Variants in VWA8 observed in about 807,000 individuals in gnomAD.
VWA8 encodes the protein von Willebrand factor A domain-containing protein 8.
VWA8 carries 221 observed loss-of-function variants against 241.5 expected under a neutral mutation model. The observed-to-expected ratio is 0.91, with a 90% confidence interval of 0.82 to 1.02. The LOEUF is 1.02. Among genes scored for constraint, VWA8 ranks in the 50% least tolerant of loss-of-function variants. VWA8 has a pLI of 0.00. For synonymous variants in VWA8, 852 were observed against 827.1 expected, an observed-to-expected ratio of 1.03 and a Z score of -0.52; for missense variants, 2,322 against 2,328.7, an observed-to-expected ratio of 1.00 and a Z score of 0.06.
chr13:41,810,996 G>A, intron 17 of VWA8, among the ~76,000 whole-genome samples: 1 of 151,914 alleles, frequency 6.6e-6, no homozygotes, highest in East Asian at 1.9e-4. Flanking sequence ...GGCTGTACAG[G>A]AAGCATAGTA....
At chr13:41,703,480 A>T in intron 26 of VWA8, 69 bp from the exon 27 acceptor site, 1 of 1,337,924 alleles carries the variant, frequency 7.5e-7, no homozygotes, top group South Asian at 1.2e-5. Context: ...ATAACACGGC[A>T]TCTATTATCA....
intron 25 of VWA8, 149 bp from the exon 26 acceptor site, chr13:41,719,891 C>T (rs1453765926): frequency 2.7e-6 from 2 of 744,976 alleles, no homozygotes; most frequent in Non-Finnish European, 4.1e-6. Flanking sequence ...GGAATGTAGA[C>T]ATTTTTCCCT....
At chr13:41,903,418 G>C (rs1213217870) in intron 4 of VWA8, among the ~76,000 whole-genome samples, 2 of 152,128 alleles carry the variant, frequency 1.3e-5, no homozygotes, top group African/African-American at 4.8e-5. Flanking sequence ...CGGGGGAGGA[G>C]AGCCAACAAA....
chr13:41,577,167 G>A (rs1466031273), intron 42 of VWA8, among the ~76,000 whole-genome samples: 1 of 152,226 alleles, frequency 6.6e-6, no homozygotes, highest in Non-Finnish European at 1.5e-5. Context: ...AAGGCCCTTT[G>A]GCCCCATAGA....
At chr13:41,932,329 G>T (rs77939456) in intron 2 of VWA8, among the ~76,000 whole-genome samples, 4 of 151,894 alleles carry the variant, frequency 2.6e-5, no homozygotes, top group Admixed American at 1.3e-4. Flanking sequence ...ATAACCTCCC[G>T]AAAAGAAAAC....
intron 9 of VWA8, among the ~76,000 whole-genome samples, chr13:41,872,646 G>A (rs1317452495): frequency 6.6e-6 from 1 of 152,066 alleles, no homozygotes; most frequent in East Asian, 1.9e-4. Context: ...TGAGGGCTCT[G>A]TTCTGTTCCA....
intron 2 of VWA8, among the ~76,000 whole-genome samples, chr13:41,944,438 T>G (rs573646859): frequency 1.6e-4 from 25 of 152,262 alleles, no homozygotes; most frequent in Admixed American, 1.4e-3. Flanking sequence ...TGCACAATCA[T>G]GGCTCACTGC....
chr13:41,806,346 A>G (rs925552934), intron 17 of VWA8, among the ~76,000 whole-genome samples: 1 of 152,232 alleles, frequency 6.6e-6, no homozygotes, highest in Non-Finnish European at 1.5e-5. Flanking sequence ...AACCAAACCC[A>G]AAATTAGTAC....
At chr13:41,885,392 T>C (rs1416318137) in intron 8 of VWA8, among the ~76,000 whole-genome samples, 1 of 152,240 alleles carries the variant, frequency 6.6e-6, no homozygotes, top group Admixed American at 6.5e-5. Context: ...TCAGATCTGT[T>C]TGCATTCTCT....
rs143976226 is a variant in VWA8 at position 41,817,406 on chromosome 13, C to A, written c.1870-631G>T. On this transcript the variant is annotated intron_variant, in intron 15 of 44. Coordinates refer to ENST00000379310, the MANE Select transcript of VWA8 (RefSeq NM_015058.2). The stretch of plus-strand genomic sequence containing the variant: ...ATTAAGTACTTAATTAAGCTATAAG[C>A]AATTTTTGTTTAAGCAATAACAAAT... Among the ~76,000 whole-genome samples, 241 of 152,046 alleles carry A rather than the reference C, an allele frequency of 1.6e-3. 1 individual carries two copies. The highest frequency in any genetic ancestry group is 5.3e-3 in the African/African-American group (221 of 41,482).
intron 40 of VWA8, among the ~76,000 whole-genome samples, chr13:41,597,333 AAT>A (rs2044495301): frequency 6.6e-6 from 1 of 152,148 alleles, no homozygotes; most frequent in Non-Finnish European, 1.5e-5. Context: ...ATAAACTATT[AAT>A]CAGTGGAAAC....
intron 37 of VWA8, among the ~76,000 whole-genome samples, chr13:41,634,849 C>T (rs749421297): frequency 8.5e-5 from 13 of 152,094 alleles, no homozygotes; most frequent in South Asian, 4.2e-4. Flanking sequence ...TATTTTTATA[C>T]GATTTTATTA....
intron 12 of VWA8, among the ~76,000 whole-genome samples, chr13:41,836,747 A>G (rs1443351824): frequency 6.6e-6 from 1 of 152,176 alleles, no homozygotes; most frequent in Non-Finnish European, 1.5e-5. Context: ...TTCTTTTACA[A>G]TCTAGTAGTT....
intron 12 of VWA8, among the ~76,000 whole-genome samples, chr13:41,864,200 A>G (rs1873181690): frequency 6.6e-6 from 1 of 152,054 alleles, no homozygotes; most frequent in South Asian, 2.1e-4. Context: ...AATTGGAACC[A>G]TTGTGCATTG....
Position 41,929,101 on chromosome 13 carries a change from A to G in VWA8, c.242-16933T>C, listed in dbSNP as rs542738070. On this transcript the variant is annotated intron_variant, in intron 2 of 44. Coordinates refer to ENST00000379310, the MANE Select transcript of VWA8 (RefSeq NM_015058.2). ...ATACAAAAGATCTCAAATAGCCAAC[A>G]TTTCTGAGAAAGAAAAACAAACTTG... Among the ~76,000 whole-genome samples the G allele has an allele frequency of 2.6e-4, 39 of 151,460 alleles. No individual in the cohort carries two copies. The South Asian group carries it at 2.9e-3, about 11-fold the overall frequency.
At chr13:41,585,874 A>G (rs890874714) in intron 42 of VWA8, among the ~76,000 whole-genome samples, 10 of 151,352 alleles carry the variant, frequency 6.6e-5, no homozygotes, top group Admixed American at 1.3e-4. Context: ...AAAAAAAAAA[A>G]AAAAAGAAAA....
In VWA8 at chr13:41,928,504, G is replaced by A. The variant is rs568629983; in HGVS notation, c.242-16336C>T. ...ACAACATGCTCTTGAACAACCAGTG[G>A]GCCAAGAAGAAACCAAAAGGGAAAT... is the stretch of plus-strand genomic sequence containing the variant. On this transcript the variant is annotated intron_variant, in intron 2 of 44. Coordinates refer to ENST00000379310, the MANE Select transcript of VWA8 (RefSeq NM_015058.2). 3.9e-4 allele frequency among the ~76,000 whole-genome samples: 59 copies of A among 152,014 alleles called. 1 individual carries two copies. The South Asian group carries it at 0.012, about 32-fold the overall frequency.
At chr13:41,801,772 G>T (rs1020291629) in intron 17 of VWA8, among the ~76,000 whole-genome samples, 6 of 152,216 alleles carry the variant, frequency 3.9e-5, no homozygotes, top group African/African-American at 9.6e-5. Flanking sequence ...GCAAATTTTA[G>T]AGGCAATAAG....
At chr13:41,639,772 C>T (rs895580495) in intron 37 of VWA8, among the ~76,000 whole-genome samples, 4 of 152,032 alleles carry the variant, frequency 2.6e-5, no homozygotes, top group Admixed American at 2.0e-4. Flanking sequence ...ACTTGAGAGT[C>T]GGCGGTGGGA....
Sources: gnomAD v4.1 joint callset for allele counts (sites outside exome capture counted in the v4.1 genomes callset) on GRCh38, gnomAD v4.1.1 for gene constraint, MANE v1.5 for transcripts, NCBI Gene and HGNC (gene_info 2026-07-23, HGNC 2026-07-21) for gene names.